Variants in CDH2 observed in about 807,000 individuals in gnomAD.
CDH2 encodes cadherin 2, also known as cadherin-2.
CDH2 carries 17 observed loss-of-function variants against 92.0 expected under a neutral mutation model. The observed-to-expected ratio is 0.18, with a 90% CI of 0.13 to 0.28. The LOEUF (loss-of-function observed/expected upper bound fraction) is 0.28. Ranked by LOEUF, CDH2 falls within the 10% of genes least tolerant of loss-of-function variation. CDH2 has a pLI of 1.00. For missense variants in CDH2, 862 were observed against 1,133.1 expected, an observed-to-expected ratio of 0.76 and a Z score of 3.44; for synonymous variants, 419 against 415.9, an observed-to-expected ratio of 1.01 and a Z score of -0.09.
rs904170799 is a variant in CDH2, at chr18:28,133,359, G to A, written c.172+14314C>T. The stretch of plus-strand genomic sequence containing the variant: ...AGCACTCTGGGAGGCCGAGGCGGGT[G>A]GATCGTGAGGTCAGGAGATCGAGAC... On this transcript the variant is annotated intron_variant, in intron 2 of 15. Coordinates refer to ENST00000269141, the MANE Select transcript of CDH2 (RefSeq NM_001792.5). 1.3e-4 allele frequency among the ~76,000 whole-genome samples: 20 copies of A among 152,038 alleles called. 1 individual carries two copies. The highest frequency in any genetic ancestry group is 9.2e-4 in the Admixed American group (14 of 15,282).
intron 1 of CDH2, among the ~76,000 whole-genome samples, chr18:28,149,211 C>T (rs1269344683): frequency 6.6e-6 from 1 of 152,186 alleles, no homozygotes; most frequent in Non-Finnish European, 1.5e-5. Context: ...CACATGAGTG[C>T]TCCAGTTGAC....
intron 15 of CDH2, among the ~76,000 whole-genome samples, chr18:27,954,123 A>C (rs551549808): frequency 1.0e-3 from 159 of 152,334 alleles, no homozygotes; most frequent in African/African-American, 3.7e-3. Flanking sequence ...TGTGTAAAAT[A>C]AAATAAAGCA....
At chr18:28,082,572 A>G (rs933238437) in intron 2 of CDH2, among the ~76,000 whole-genome samples, 5 of 152,016 alleles carry the variant, frequency 3.3e-5, no homozygotes, top group Non-Finnish European at 7.4e-5. Context: ...ATTAATTTAC[A>G]TTTTTTTCCT....
chr18:28,029,566 C>T (rs2013642168), intron 2 of CDH2, among the ~76,000 whole-genome samples: 1 of 152,018 alleles, frequency 6.6e-6, no homozygotes, highest in Non-Finnish European at 1.5e-5. Flanking sequence ...CTTCAACTGA[C>T]AATAATAATC....
intron 2 of CDH2, among the ~76,000 whole-genome samples, chr18:28,122,288 A>C (rs910549583): frequency 2.0e-5 from 3 of 152,146 alleles, no homozygotes; most frequent in Non-Finnish European, 4.4e-5. Flanking sequence ...ATTTGTATCA[A>C]ACAACCCCCC....
At chr18:28,033,065 T>C (rs1200373591) in intron 2 of CDH2, among the ~76,000 whole-genome samples, 3 of 152,056 alleles carry the variant, frequency 2.0e-5, no homozygotes, top group Admixed American at 2.0e-4. Flanking sequence ...AAATGGCAGG[T>C]GGCTTGTGAT....
At chr18:28,124,888 G>T (rs1008307060) in intron 2 of CDH2, among the ~76,000 whole-genome samples, 7 of 152,046 alleles carry the variant, frequency 4.6e-5, no homozygotes, top group African/African-American at 1.7e-4. Context: ...CTGTTCACTG[G>T]GTTGGTTCTC....
chr18:27,949,733 G>A (rs17445496), downstream of CDH2, among the ~76,000 whole-genome samples: 4,973 of 151,800 alleles, frequency 0.033, 94 homozygotes, highest in African/African-American at 0.053. Flanking sequence ...GCATGGCAGC[G>A]GGTTTCCATT....
At chr18:27,949,825 AAT>A (rs550674261), downstream of CDH2, among the ~76,000 whole-genome samples, 97 of 151,922 alleles carry the variant, frequency 6.4e-4, 1 homozygote, top group African/African-American at 2.2e-3. Context: ...TACAAAAATT[AAT>A]ATTTATATTT....
intron 8 of CDH2, among the ~76,000 whole-genome samples, 185 bp downstream of exon 8, chr18:27,993,315 A>G (rs1192684885): frequency 6.6e-6 from 1 of 152,236 alleles, no homozygotes; most frequent in African/African-American, 2.4e-5. Flanking sequence ...CTTGAAGACT[A>G]CGAAGAAACA....
rs3833200 is a variant in CDH2, at chr18:28,177,057, A to AGGC, written c.-38_-36dup. 0.028 allele frequency: 36,712 copies of AGGC among 1,301,190 alleles called. 1,930 individuals carry two copies. The highest frequency in any genetic ancestry group is 0.23 in the African/African-American group (14,418 of 62,978). 80.6% of individuals were successfully genotyped at this position (1,301,190 alleles called of 1,614,324 possible). On this transcript the variant is annotated 5_prime_UTR_variant, in exon 1 of 16. Transcript: ENST00000269141. ...GAGGGGCCGAGCGAAGAGCCGGAGG[A>AGGC]GGCGGCGGCGGCGGCGGCGGCGGCG...
At chr18:27,995,437 A>G (rs1198017700) in intron 7 of CDH2, among the ~76,000 whole-genome samples, 1 of 152,112 alleles carries the variant, frequency 6.6e-6, no homozygotes, top group African/African-American at 2.4e-5. Context: ...ATTTCGCAGG[A>G]CATTCAGTTC....
At chr18:28,000,607 T>C (rs1430033875) in intron 7 of CDH2, among the ~76,000 whole-genome samples, 2 of 151,698 alleles carry the variant, frequency 1.3e-5, no homozygotes, top group African/African-American at 4.8e-5. Context: ...GGGCAGAAAA[T>C]GGACATGAAA....
chr18:28,043,890 ATTTTTTTTTTTTTTTTTTT>A (rs67532914), intron 2 of CDH2, among the ~76,000 whole-genome samples: 8 of 91,450 alleles, frequency 8.7e-5, no homozygotes, highest in Non-Finnish European at 1.3e-4. Context: ...AGAATCTCGG[ATTTTTTTTTTTTTTTTTTT>A]TTTTTTTTTT....
At chr18:28,028,787 T>TA (rs1333474845) in intron 2 of CDH2, among the ~76,000 whole-genome samples, 9 of 152,092 alleles carry the variant, frequency 5.9e-5, no homozygotes, top group African/African-American at 2.2e-4. Flanking sequence ...AAAGGCTACT[T>TA]ACATTTTCTG....
chr18:28,062,990 A>G (rs2014433771), intron 2 of CDH2, among the ~76,000 whole-genome samples: 1 of 152,178 alleles, frequency 6.6e-6, no homozygotes, highest in African/African-American at 2.4e-5. Context: ...CACATTTCAT[A>G]AAAGCCTAAT....
chr18:28,039,729 G>A (rs1431220391), intron 2 of CDH2, among the ~76,000 whole-genome samples: 1 of 152,034 alleles, frequency 6.6e-6, no homozygotes, highest in African/African-American at 2.4e-5. Context: ...TAATTTGTAA[G>A]GATACTTTTC....
At chr18:28,121,172 G>C (rs544700015) in intron 2 of CDH2, among the ~76,000 whole-genome samples, 10 of 152,238 alleles carry the variant, frequency 6.6e-5, no homozygotes, top group Non-Finnish European at 1.5e-4. Flanking sequence ...TTACCCAGGG[G>C]TTTAGGGTCA....
chr18:28,169,408 A>G (rs2016432058), intron 1 of CDH2, among the ~76,000 whole-genome samples: 1 of 152,166 alleles, frequency 6.6e-6, no homozygotes, highest in African/African-American at 2.4e-5. Flanking sequence ...TAATGAAGGG[A>G]GAAAAGAGTC....
Sources: gnomAD v4.1 joint callset for allele counts (sites outside exome capture counted in the v4.1 genomes callset) on GRCh38, gnomAD v4.1.1 for gene constraint, MANE v1.5 for transcripts, NCBI Gene and HGNC (gene_info 2026-07-23, HGNC 2026-07-21) for gene names.